Variants in MFHAS1 observed in about 807,000 individuals in gnomAD.
The protein encoded by MFHAS1 is multifunctional ROCO family signaling regulator 1.
Under a neutral mutation model 70.4 loss-of-function variants are expected in MFHAS1, and 50 were observed. The observed-to-expected ratio is 0.71, with a 90% CI of 0.57 to 0.90. The LOEUF (loss-of-function observed/expected upper bound fraction) is 0.90, where lower values mean the gene tolerates loss of function less well. Ranked by LOEUF, MFHAS1 falls within the 40% of genes least tolerant of loss-of-function variation. The pLI is 0.00. For synonymous variants in MFHAS1, 952 were observed against 620.0 expected (o/e 1.54, Z -7.96); for missense variants, 1,795 against 1,347.6 (o/e 1.33, Z -5.20).
chr8:8,790,468 T>C (rs1331393007), intron 2 of MFHAS1: 1 of 686,888 alleles, frequency 1.5e-6, no homozygotes, highest in Non-Finnish European at 1.8e-6. Context: ...AGTATCAATG[T>C]GGCTGACGGG....
intron 1 of MFHAS1, among the ~76,000 whole-genome samples, chr8:8,832,581 A>G (rs1367433055): frequency 6.6e-6 from 1 of 151,718 alleles, no homozygotes; most frequent in African/African-American, 2.4e-5. Flanking sequence ...AAAATGACTG[A>G]CAATACCAAG....
chr8:8,784,260 G>C lies in MFHAS1; in HGVS notation c.*1762C>G. The C allele has an allele frequency of 6.8e-6, 1 of 146,532 alleles. No individual in the cohort carries two copies. Among genetic ancestry groups the C allele is most frequent in the African/African-American group, 2.5e-5 (1 of 40,704 alleles). 9.1% of individuals were successfully genotyped at this position (146,532 alleles called of 1,614,324 possible). Reference sequence around the variant, plus strand: ...TCAATGGTCCAAAAAGCAATTAAATGTGACCATTCAGTTTTACACACATGC... The same window carrying C: ...TCAATGGTCCAAAAAGCAATTAAATCTGACCATTCAGTTTTACACACATGC... On this transcript the variant is annotated 3_prime_UTR_variant, in exon 3 of 3. Transcript: ENST00000276282.
rs1481764632 is a variant in MFHAS1 at position 8,783,586 on chromosome 8, A to T, written c.*2436T>A. 6.6e-6 allele frequency: 1 copy of T among 152,218 alleles called. No individual in the cohort carries two copies. Among genetic ancestry groups the T allele is most frequent in the East Asian group, 1.9e-4 (1 of 5,182 alleles). The allele number at this position is 152,218 out of a possible 1,614,324, so 9.4% of individuals were successfully genotyped here. A position where few individuals can be genotyped will look rare whatever the true frequency, so the allele number is the denominator to read the frequency against. ...TTTTTTTTTCTTAGAAGGGGGAAAA[A>T]CATTTATTTTGGCAGTGCTTTGACA... On this transcript the variant is annotated 3_prime_UTR_variant, in exon 3 of 3. Coordinates refer to ENST00000276282, the MANE Select transcript of MFHAS1 (RefSeq NM_004225.3).
At chr8:8,860,547 G>A (rs1170138194) in intron 1 of MFHAS1, among the ~76,000 whole-genome samples, 1 of 152,196 alleles carries the variant, frequency 6.6e-6, no homozygotes, top group Non-Finnish European at 1.5e-5. Context: ...TGTGTCTTCA[G>A]GAATTCCCCG....
intron 1 of MFHAS1, among the ~76,000 whole-genome samples, chr8:8,887,685 T>C (rs995919421): frequency 2.0e-5 from 3 of 151,376 alleles, no homozygotes; most frequent in Non-Finnish European, 4.4e-5. Flanking sequence ...GTTTTCCACA[T>C]TGAAAAAAAA....
intron 1 of MFHAS1, among the ~76,000 whole-genome samples, chr8:8,877,631 C>T (rs528669602): frequency 2.6e-5 from 4 of 152,284 alleles, no homozygotes; most frequent in African/African-American, 7.2e-5. Flanking sequence ...ACCAGCAGCA[C>T]GCTTAGACAT....
At chr8:8,847,849 A>AT in intron 1 of MFHAS1, among the ~76,000 whole-genome samples, 2 of 152,236 alleles carry the variant, frequency 1.3e-5, no homozygotes, top group Non-Finnish European at 2.9e-5. Context: ...AGTCTAATCA[A>AT]TATCTGGTAT....
rs769495492 is a variant in MFHAS1, at chr8:8,892,097, A to G, written c.962T>C (p.Leu321Pro). 6.2e-7 allele frequency: 1 copy of G among 1,613,394 alleles called. No homozygotes were observed. Among genetic ancestry groups the G allele is most frequent in the South Asian group, 1.1e-5 (1 of 91,082 alleles). ...VPSLISGLGR[L>P]LTLWLDNNRI... ...GTTATTATCCAGCCACAAGGTGAGA[A>G]GCCGGCCCAGGCCCGAGATAAGGGA... The change falls in exon 1 of 3, where the codon CTT becomes CCT. Residue 321 changes from leucine to proline, a missense_variant. Transcript: ENST00000276282. The surrounding 1 kb of genome is among the most constrained non-coding windows in gnomAD (Gnocchi z 4.7).
At position 8,856,345 on chromosome 8, in the gene MFHAS1, C is replaced by T. The variant is rs78929749; in HGVS notation, c.2998+33716G>A. ...GGCAAGCATGACCTGCACAGCCTGGCACAGAAACAGCACTTGCCCAGAAGA... is the reference window on the plus strand; with the variant it reads ...GGCAAGCATGACCTGCACAGCCTGGTACAGAAACAGCACTTGCCCAGAAGA... On this transcript the variant is annotated intron_variant, in intron 1 of 2. Transcript: ENST00000276282. Among the ~76,000 whole-genome samples, 224 of 152,272 alleles carry T rather than the reference C, an allele frequency of 1.5e-3. 2 individuals are homozygous for T. In the East Asian group the frequency reaches 0.03, roughly 20 times the overall value.
rs1479871144 is a variant in MFHAS1, at chr8:8,890,898, C to G, written c.2161G>C (p.Ala721Pro). 1.2e-6 allele frequency: 2 copies of G among 1,614,118 alleles called. No individual in the cohort carries two copies. The highest frequency in any genetic ancestry group is 2.7e-5 in the African/African-American group (2 of 75,076). Residue 721 changes from alanine to proline, a missense_variant, in exon 1 of 3, where the codon GCT becomes CCT. Ala to Pro is a conservative substitution (Grantham distance 27). Coordinates refer to ENST00000276282, the MANE Select transcript of MFHAS1 (RefSeq NM_004225.3). ...TTGTGGAAGACGTGCTCCTTGAGAG[C>G]CGGACTGTCCTCAAAGTAGAGTAGC... ...GKLLYFEDSP[A>P]LKEHVFHNLT... is the part of the protein sequence containing the mutation.
At position 8,797,317 on chromosome 8, in the gene MFHAS1, TG is replaced by T. The variant is rs1333879642; in HGVS notation, c.3125+47del. 5.0e-6 allele frequency: 8 copies of T among 1,607,224 alleles called. No homozygotes were observed. The African/African-American group carries it at 9.4e-5, about 19-fold the overall frequency. The stretch of plus-strand genomic sequence containing the variant: ...ATTTTTGTGGTCATATCTATGGAGC[TG>T]GGATCAGGAGCCAGGTCCCGGGGCC... On this transcript the variant is annotated intron_variant, in intron 2 of 2. Transcript: ENST00000276282.
intron 1 of MFHAS1, among the ~76,000 whole-genome samples, chr8:8,885,450 T>C (rs371623087): frequency 6.6e-6 from 1 of 152,222 alleles, no homozygotes; most frequent in Admixed American, 6.5e-5. Context: ...AGCACTTGAA[T>C]CTTGCTGCAG....
chr8:8,809,710 G>A (rs1180446773), intron 1 of MFHAS1, among the ~76,000 whole-genome samples: 1 of 152,210 alleles, frequency 6.6e-6, no homozygotes. Flanking sequence ...AAGACAGTTG[G>A]GGAGAGGGGG....
At chr8:8,864,524 C>G (rs1265029908) in intron 1 of MFHAS1, among the ~76,000 whole-genome samples, 11 of 152,208 alleles carry the variant, frequency 7.2e-5, no homozygotes, top group Non-Finnish European at 1.5e-5. Context: ...TCAGACAAGT[C>G]AAAATGCAAT....
chr8:8,791,082 G>A (rs1304607119), intron 2 of MFHAS1, among the ~76,000 whole-genome samples: 2 of 151,092 alleles, frequency 1.3e-5, no homozygotes, highest in Admixed American at 1.3e-4. Context: ...TCCTAAAAAA[G>A]GAGAAAGCTT....
In MFHAS1 at chr8:8,861,136, G is replaced by A. The variant is rs191213672; in HGVS notation, c.2998+28925C>T. On this transcript the variant is annotated intron_variant, in intron 1 of 2. Coordinates refer to ENST00000276282, the MANE Select transcript of MFHAS1 (RefSeq NM_004225.3). ...ATTTCAAGTAGAATGCCTGAAAAGT[G>A]GTAGACATATATAAAACATCTACCG... Among the ~76,000 whole-genome samples, 9 of 152,200 alleles carry A rather than the reference G, an allele frequency of 5.9e-5. No homozygotes were observed. In the East Asian group the frequency reaches 7.7e-4, roughly 13 times the overall value.
At chr8:8,824,678 G>C (rs1173864520) in intron 1 of MFHAS1, among the ~76,000 whole-genome samples, 1 of 152,144 alleles carries the variant, frequency 6.6e-6, no homozygotes, top group Non-Finnish European at 1.5e-5. Flanking sequence ...AAGAGATATA[G>C]ATCATCTCTA....
At position 8,891,792 on chromosome 8, in the gene MFHAS1, T is replaced by C. The variant is rs1015839463; in HGVS notation, c.1267A>G (p.Thr423Ala). Residue 423 changes from threonine (T) to alanine (A), a missense_variant, in exon 1 of 3, where the codon ACT (threonine) becomes GCT (alanine). Coordinates refer to ENST00000276282, the MANE Select transcript of MFHAS1 (RefSeq NM_004225.3). This position sits in a 1 kb window ranked among gnomAD's most constrained non-coding sequence, Gnocchi z 5.4. ...LLMGHKAAGK[T>A]LLRHCLTEER... ...TCGGTGAGGCAGTGGCGCAGCAAAG[T>C]CTTTCCTGCAGCCTTATGCCCCATC... The C allele has an allele frequency of 1.2e-6, 2 of 1,613,148 alleles. No homozygotes were observed. Among genetic ancestry groups the C allele is most frequent in the Non-Finnish European group, 1.7e-6 (2 of 1,180,012 alleles).
At position 8,863,199 on chromosome 8, in the gene MFHAS1, G is replaced by A. The variant is rs77957788; in HGVS notation, c.2998+26862C>T. ...CATCAATCTATCTGTTTATACTTAC[G>A]CCAATACTACACTGTCTTAATTACT... On this transcript the variant is annotated intron_variant, in intron 1 of 2. Coordinates refer to ENST00000276282, the MANE Select transcript of MFHAS1 (RefSeq NM_004225.3). Among the ~76,000 whole-genome samples the A allele has an allele frequency of 4.8e-3, 728 of 152,192 alleles. 12 individuals carry two copies. The highest frequency in any genetic ancestry group is 0.016 in the African/African-American group (652 of 41,496).
Sources: gnomAD v4.1 joint callset for allele counts (sites outside exome capture counted in the v4.1 genomes callset) on GRCh38, gnomAD v4.1.1 for gene constraint, Gnocchi (gnomAD v3.1) non-coding constraint, MANE v1.5 for transcripts, NCBI Gene and HGNC (gene_info 2026-07-23, HGNC 2026-07-21) for gene names.